Variants in IL1RAPL2 observed in about 807,000 individuals in gnomAD.
IL1RAPL2 encodes the protein interleukin 1 receptor accessory protein like 2.
IL1RAPL2 carries 3 observed loss-of-function variants against 44.1 expected under a neutral mutation model. The ratio of observed to expected loss-of-function variants is 0.07; its 90% CI spans 0.03 to 0.18. The LOEUF (loss-of-function observed/expected upper bound fraction) is 0.18. IL1RAPL2 is among the 10% of genes least tolerant of loss of function. The pLI, the probability that IL1RAPL2 is intolerant of heterozygous loss-of-function variation, is 1.00. For synonymous variants in IL1RAPL2, 181 were observed against 178.8 expected, an observed-to-expected ratio of 1.01 and a Z score of -0.10; for missense variants, 391 against 496.4, an observed-to-expected ratio of 0.79 and a Z score of 2.02.
Position 105,542,031 on chromosome X carries a change from G to A in IL1RAPL2, c.772+57644G>A, listed in dbSNP as rs6652399. 4.9e-3 allele frequency among the ~76,000 whole-genome samples: 548 copies of A among 111,312 alleles called. 5 individuals carry two copies. The highest frequency in any genetic ancestry group is 0.016 in the African/African-American group (501 of 30,557). On this transcript the variant is annotated intron_variant, in intron 6 of 10. Coordinates refer to ENST00000372582, the MANE Select transcript of IL1RAPL2 (RefSeq NM_017416.2). ...CCACTGATTCTTCTTTCTCTTTGCCGTTGTACATTCAGTTGCCTCCTCTTG... is the reference window on the plus strand; with the variant it reads ...CCACTGATTCTTCTTTCTCTTTGCCATTGTACATTCAGTTGCCTCCTCTTG...
chrX:105,067,676 T>C (rs1028226333), intron 2 of IL1RAPL2, among the ~76,000 whole-genome samples: 2 of 112,231 alleles, frequency 1.8e-5, no homozygotes, highest in African/African-American at 6.5e-5. Flanking sequence ...ATTAAGTTAA[T>C]TGTATATTAA....
chrX:105,111,234 G>A (rs1301541264), intron 2 of IL1RAPL2, among the ~76,000 whole-genome samples: 1 of 111,123 alleles, frequency 9.0e-6, no homozygotes, highest in Non-Finnish European at 1.9e-5. Context: ...CTTTACTTTT[G>A]AGCCTAGTGG....
intron 2 of IL1RAPL2, among the ~76,000 whole-genome samples, chrX:104,796,839 C>T (rs1443588493): frequency 9.0e-6 from 1 of 111,403 alleles, no homozygotes; most frequent in Non-Finnish European, 1.9e-5. Flanking sequence ...GGCATGATCT[C>T]AGCTCACTGC....
intron 2 of IL1RAPL2, among the ~76,000 whole-genome samples, chrX:104,910,359 C>T (rs905549434): frequency 4.5e-5 from 5 of 112,285 alleles, no homozygotes; most frequent in African/African-American, 1.6e-4. Flanking sequence ...TGTTCCTATT[C>T]GTCCATCTTG....
At chrX:104,932,413 T>TACAC (rs755020312) in intron 2 of IL1RAPL2, among the ~76,000 whole-genome samples, 12 of 110,420 alleles carry the variant, frequency 1.1e-4, no homozygotes, top group Non-Finnish European at 1.7e-4. Flanking sequence ...AAATCACACA[T>TACAC]ACACACACAC....
At chrX:105,533,000 G>C (rs2036649504) in intron 6 of IL1RAPL2, among the ~76,000 whole-genome samples, 1 of 110,093 alleles carries the variant, frequency 9.1e-6, no homozygotes, top group Non-Finnish European at 1.9e-5. Flanking sequence ...GACCAGCCTG[G>C]CCAATATGGT....
At chrX:104,858,814 T>G (rs1048477685) in intron 2 of IL1RAPL2, among the ~76,000 whole-genome samples, 4 of 111,739 alleles carry the variant, frequency 3.6e-5, no homozygotes, top group Non-Finnish European at 7.5e-5. Flanking sequence ...GAAGTCAAGT[T>G]TTTCCCCAAA....
At position 104,686,365 on chromosome X, in the gene IL1RAPL2, T is replaced by TC. The variant is rs201791178; in HGVS notation, c.82+27371dup. 6.6e-4 allele frequency among the ~76,000 whole-genome samples: 74 copies of TC among 112,480 alleles called. No homozygotes were observed. The East Asian group carries it at 9.2e-3, about 14-fold the overall frequency. Reference sequence around the variant, plus strand: ...TACATACAAATACTGGCCTTATTTTTCACGCTTGGTAAGTAGCGCATAACT... The same window carrying TC: ...TACATACAAATACTGGCCTTATTTTTCCACGCTTGGTAAGTAGCGCATAACT... On this transcript the variant is annotated intron_variant, in intron 2 of 10. Coordinates refer to ENST00000372582, the MANE Select transcript of IL1RAPL2 (RefSeq NM_017416.2).
At chrX:104,613,368 A>G (rs760254908) in intron 1 of IL1RAPL2, among the ~76,000 whole-genome samples, 3 of 111,992 alleles carry the variant, frequency 2.7e-5, no homozygotes, top group East Asian at 5.6e-4. Flanking sequence ...GGTTTTTAAC[A>G]TCATGAGTAG....
intron 2 of IL1RAPL2, among the ~76,000 whole-genome samples, chrX:104,938,570 T>A (rs1925082490): frequency 9.0e-6 from 1 of 111,064 alleles, no homozygotes; most frequent in Admixed American, 9.6e-5. Context: ...TGATTCTAAT[T>A]CTAAATTTAT....
intron 5 of IL1RAPL2, among the ~76,000 whole-genome samples, chrX:105,384,350 A>T (rs749606462): frequency 9.0e-6 from 1 of 111,615 alleles, no homozygotes; most frequent in Non-Finnish European, 1.9e-5. Context: ...TGCCAGCACC[A>T]TTTTTTGAGT....
chrX:104,914,141 ACT>A (rs1924337047), intron 2 of IL1RAPL2, among the ~76,000 whole-genome samples: 1 of 111,606 alleles, frequency 9.0e-6, no homozygotes, highest in Non-Finnish European at 1.9e-5. Context: ...CTGCTGAATC[ACT>A]CTCTGAAGTT....
chrX:105,219,910 C>T (rs2033931966), intron 3 of IL1RAPL2: 1 of 1,134,118 alleles, frequency 8.8e-7, no homozygotes, highest in Non-Finnish European at 1.2e-6. Flanking sequence ...GGCAGTGGTA[C>T]TGGGCAGGGA....
intron 2 of IL1RAPL2, among the ~76,000 whole-genome samples, chrX:104,897,476 G>A (rs1923687982): frequency 8.9e-6 from 1 of 112,021 alleles, no homozygotes; most frequent in South Asian, 3.8e-4. Flanking sequence ...ATCTGATAAA[G>A]AGTCACTTCA....
chrX:105,017,435 T>C (rs1047585650), intron 2 of IL1RAPL2, among the ~76,000 whole-genome samples: 3 of 111,555 alleles, frequency 2.7e-5, no homozygotes, highest in African/African-American at 9.8e-5. Flanking sequence ...AAAATACTTA[T>C]GCAAGTGAGT....
At position 105,548,883 on chromosome X, in the gene IL1RAPL2, G is replaced by A. The variant is rs184932334; in HGVS notation, c.772+64496G>A. Reference sequence around the variant, plus strand: ...TATTAGCATTATCAATCTTTTTTACGTCTCTTCACCTTATTGTATCATTCT... The same window carrying A: ...TATTAGCATTATCAATCTTTTTTACATCTCTTCACCTTATTGTATCATTCT... On this transcript the variant is annotated intron_variant, in intron 6 of 10. Coordinates refer to ENST00000372582, the MANE Select transcript of IL1RAPL2 (RefSeq NM_017416.2). Among the ~76,000 whole-genome samples, 493 of 112,099 alleles carry A rather than the reference G, an allele frequency of 4.4e-3. 4 individuals carry two copies. Among genetic ancestry groups the A allele is most frequent in the African/African-American group, 0.015 (457 of 30,888 alleles).
At chrX:104,641,843 G>T (rs1248522820) in intron 1 of IL1RAPL2, among the ~76,000 whole-genome samples, 2 of 111,723 alleles carry the variant, frequency 1.8e-5, no homozygotes, top group Non-Finnish European at 3.8e-5. Flanking sequence ...TTCCAGTGCT[G>T]TTGGGCTCCA....
At chrX:105,388,385 T>TA (rs1252400602) in intron 5 of IL1RAPL2, among the ~76,000 whole-genome samples, 5 of 96,682 alleles carry the variant, frequency 5.2e-5, no homozygotes, top group Admixed American at 1.1e-4. Context: ...TTTTTTTTTT[T>TA]ACTAATGATG....
At chrX:104,787,828 G>GAT (rs777151690) in intron 2 of IL1RAPL2, among the ~76,000 whole-genome samples, 22 of 111,387 alleles carry the variant, frequency 2.0e-4, no homozygotes, top group East Asian at 5.6e-4. Context: ...TCAGAAAAGG[G>GAT]ATATATATAT....
Sources: gnomAD v4.1 joint callset for allele counts (sites outside exome capture counted in the v4.1 genomes callset) on GRCh38, gnomAD v4.1.1 for gene constraint, MANE v1.5 for transcripts, NCBI Gene and HGNC (gene_info 2026-07-23, HGNC 2026-07-21) for gene names.